The following CADM2 variants were observed in gnomAD, a reference collection of about 807,000 sequenced individuals.
The protein encoded by CADM2 is cell adhesion molecule 2.
A neutral mutation model predicts 49.8 loss-of-function variants in CADM2; 12 were observed. The observed-to-expected ratio is 0.24, with a 90% confidence interval of 0.15 to 0.39. CADM2 has a LOEUF of 0.39. Ranked by LOEUF, CADM2 falls within the 10% of genes least tolerant of loss-of-function variation. The probability of loss-of-function intolerance (pLI) is 1.00; values close to 1 mark genes in which losing one functional copy is unlikely to be tolerated. For missense variants in CADM2, 378 were observed against 492.3 expected (o/e 0.77, Z 2.20); for synonymous variants, 214 against 175.4 (o/e 1.22, Z -1.74).
intron 1 of CADM2, among the ~76,000 whole-genome samples, chr3:85,072,614 C>G (rs988373703): frequency 6.6e-6 from 1 of 151,976 alleles, no homozygotes; most frequent in African/African-American, 2.4e-5. Flanking sequence ...GTGTTTAACT[C>G]CCATTAACAC....
At chr3:85,336,866 A>C (rs1277651205) in intron 1 of CADM2, among the ~76,000 whole-genome samples, 2 of 145,912 alleles carry the variant, frequency 1.4e-5, no homozygotes, top group Non-Finnish European at 3.0e-5. Context: ...GTTGCTAAAT[A>C]AATTTATATA....
intron 2 of CADM2, among the ~76,000 whole-genome samples, chr3:85,734,384 G>T (rs1672024542): frequency 6.6e-6 from 1 of 151,776 alleles, no homozygotes; most frequent in East Asian, 1.9e-4. Flanking sequence ...AGAACACATG[G>T]CACTCTCAAT....
Position 85,782,363 on chromosome 3 carries a change from G to C in CADM2, c.89-19684G>C, listed in dbSNP as rs142044321. Reference sequence around the variant, plus strand: ...CTATAATGAATGAAGGAAATATATAGTTTCAGAGGCTAAGAAATACACTCC... The same window carrying C: ...CTATAATGAATGAAGGAAATATATACTTTCAGAGGCTAAGAAATACACTCC... On this transcript the variant is annotated intron_variant, in intron 2 of 9. Coordinates refer to ENST00000383699, the MANE Select transcript of CADM2 (RefSeq NM_001167675.2). Among the ~76,000 whole-genome samples the C allele has an allele frequency of 2.5e-3, 385 of 152,206 alleles. 2 individuals are homozygous for C. Among genetic ancestry groups the C allele is most frequent in the African/African-American group, 8.8e-3 (365 of 41,542 alleles).
At chr3:85,693,300 G>T (rs2066442086) in intron 1 of CADM2, among the ~76,000 whole-genome samples, 1 of 152,006 alleles carries the variant, frequency 6.6e-6, no homozygotes, top group South Asian at 2.1e-4. Context: ...AAGAAAAGAG[G>T]CCTGGCGTGG....
At chr3:85,071,801 A>G (rs939090654) in intron 1 of CADM2, among the ~76,000 whole-genome samples, 5 of 152,050 alleles carry the variant, frequency 3.3e-5, no homozygotes, top group African/African-American at 1.2e-4. Context: ...TTCGTTAGCT[A>G]TTGTGCATGA....
At position 85,014,447 on chromosome 3, in the gene CADM2, C is replaced by G. The variant is rs115045269; in HGVS notation, c.61+54779C>G. Among the ~76,000 whole-genome samples, 925 of 147,630 alleles carry G rather than the reference C, an allele frequency of 6.3e-3. 14 individuals are homozygous for G. Among genetic ancestry groups the G allele is most frequent in the African/African-American group, 0.022 (885 of 40,520 alleles). On this transcript the variant is annotated intron_variant, in intron 1 of 9. Transcript: ENST00000383699. ...ACACATAGGAAAAAAACATAGTGTG[C>G]ATAGGAAAAAAACATAGTGTGCATA...
chr3:85,020,559 A>C (rs2034453080), intron 1 of CADM2, among the ~76,000 whole-genome samples: 1 of 152,210 alleles, frequency 6.6e-6, no homozygotes, highest in South Asian at 2.1e-4. Context: ...AGGTAACATA[A>C]TGTGATAAAA....
intron 1 of CADM2, among the ~76,000 whole-genome samples, chr3:84,971,230 A>G (rs1052741866): frequency 1.3e-5 from 2 of 152,248 alleles, no homozygotes; most frequent in African/African-American, 4.8e-5. Context: ...AACAATATCC[A>G]TAATATTTAG....
intron 1 of CADM2, among the ~76,000 whole-genome samples, chr3:85,355,521 T>A (rs183661923): frequency 1.2e-3 from 185 of 152,236 alleles, no homozygotes; most frequent in African/African-American, 4.2e-3. Context: ...GAGATTTTCA[T>A]TCGGGCCATT....
intron 1 of CADM2, among the ~76,000 whole-genome samples, chr3:85,104,824 T>A (rs2038149968): frequency 6.7e-6 from 1 of 149,580 alleles, no homozygotes; most frequent in African/African-American, 2.6e-5. Context: ...TTTATTCTCC[T>A]TGAAGCAATT....
intron 1 of CADM2, among the ~76,000 whole-genome samples, chr3:85,318,495 A>G (rs762885235): frequency 1.3e-5 from 2 of 152,148 alleles, no homozygotes; most frequent in South Asian, 2.1e-4. Context: ...AAAATTGCCA[A>G]AAACCAAACA....
At chr3:86,041,437 C>T (rs1735920520) in intron 8 of CADM2, among the ~76,000 whole-genome samples, 1 of 152,134 alleles carries the variant, frequency 6.6e-6, no homozygotes, top group Admixed American at 6.5e-5. Flanking sequence ...CAATCCTAGT[C>T]TCTGATAAAA....
intron 3 of CADM2, among the ~76,000 whole-genome samples, chr3:85,828,273 T>C (rs1179517610): frequency 1.3e-5 from 2 of 151,972 alleles, no homozygotes; most frequent in East Asian, 1.9e-4. Context: ...TTGTAATATA[T>C]AATATCAGTC....
At chr3:85,720,599 A>G (rs1056914213) in intron 1 of CADM2, among the ~76,000 whole-genome samples, 1 of 152,188 alleles carries the variant, frequency 6.6e-6, no homozygotes, top group Admixed American at 6.5e-5. Context: ...GAAAAAATAA[A>G]AACTAGTGAA....
intron 8 of CADM2, among the ~76,000 whole-genome samples, chr3:86,001,720 C>G (rs1459946229): frequency 6.6e-6 from 1 of 152,092 alleles, no homozygotes; most frequent in Non-Finnish European, 1.5e-5. Flanking sequence ...CAGTAGGAAA[C>G]TAGGTGATCC....
chr3:85,315,927 A>G (rs1262146159), intron 1 of CADM2, among the ~76,000 whole-genome samples: 2 of 152,184 alleles, frequency 1.3e-5, no homozygotes, highest in Non-Finnish European at 2.9e-5. Context: ...GCCTATGTGT[A>G]TTATTAAAAG....
At chr3:85,890,050 G>A (rs867679703) in intron 5 of CADM2, among the ~76,000 whole-genome samples, 9 of 152,258 alleles carry the variant, frequency 5.9e-5, no homozygotes, top group Middle Eastern at 6.8e-3. Context: ...AGTCGATCTA[G>A]AGGTTTATTT....
chr3:85,259,979 G>A (rs1174545156), intron 1 of CADM2, among the ~76,000 whole-genome samples: 1 of 151,964 alleles, frequency 6.6e-6, no homozygotes, highest in Non-Finnish European at 1.5e-5. Flanking sequence ...AAAGCCACTC[G>A]AGTACTATTT....
chr3:86,005,338 G>T (rs548063118), intron 8 of CADM2, among the ~76,000 whole-genome samples: 34 of 152,204 alleles, frequency 2.2e-4, no homozygotes, highest in African/African-American at 4.1e-4. Context: ...GATCACTAAG[G>T]TTAGGAGTTT....
Sources: gnomAD v4.1 joint callset for allele counts (sites outside exome capture counted in the v4.1 genomes callset) on GRCh38, gnomAD v4.1.1 for gene constraint, MANE v1.5 for transcripts, NCBI Gene and HGNC (gene_info 2026-07-23, HGNC 2026-07-21) for gene names.